The following RAB27B variants were observed in gnomAD, a reference collection of about 807,000 sequenced individuals.
The protein encoded by RAB27B is ras-related protein Rab-27B.
A neutral mutation model predicts 24.6 loss-of-function variants in RAB27B; 15 were observed. The observed-to-expected ratio is 0.61, with a 90% confidence interval of 0.41 to 0.94. RAB27B has a LOEUF of 0.94. Among genes scored for constraint, RAB27B ranks in the 40% least tolerant of loss-of-function variants. The pLI, the probability that RAB27B is intolerant of heterozygous loss-of-function variation, is 0.00. For missense variants in RAB27B, 261 were observed against 266.8 expected (o/e 0.98, Z 0.15); for synonymous variants, 105 against 92.5 (o/e 1.14, Z -0.78).
intron 2 of RAB27B, among the ~76,000 whole-genome samples, chr18:54,733,091 G>C (rs1172535033): frequency 6.6e-6 from 1 of 151,528 alleles, no homozygotes; most frequent in Non-Finnish European, 1.5e-5. Flanking sequence ...TGTTACCCAG[G>C]CTGGAGTGTG....
intron 2 of RAB27B, among the ~76,000 whole-genome samples, chr18:54,820,698 A>G (rs776367130): frequency 1.2e-4 from 19 of 152,288 alleles, no homozygotes; most frequent in Non-Finnish European, 2.4e-4. Flanking sequence ...GCCCATGCCT[A>G]TGTCCTGAAT....
chr18:54,754,709 T>G (rs1907948651), intron 2 of RAB27B, among the ~76,000 whole-genome samples: 1 of 152,192 alleles, frequency 6.6e-6, no homozygotes, highest in Non-Finnish European at 1.5e-5. Context: ...TAAAGAAAAC[T>G]ATTTCTGACA....
chr18:54,862,967 G>C (rs1912065805), intron 1 of RAB27B, among the ~76,000 whole-genome samples: 1 of 152,148 alleles, frequency 6.6e-6, no homozygotes, highest in African/African-American at 2.4e-5. Flanking sequence ...TGGCTATTCT[G>C]TGTCCCTTTC....
chr18:54,793,879 C>G (rs936823147), intron 2 of RAB27B, among the ~76,000 whole-genome samples: 2 of 152,152 alleles, frequency 1.3e-5, no homozygotes, highest in African/African-American at 4.8e-5. Context: ...GATCCCATCT[C>G]TATTTTTAAA....
At chr18:54,772,828 G>A (rs1321411838) in intron 2 of RAB27B, among the ~76,000 whole-genome samples, 1 of 152,124 alleles carries the variant, frequency 6.6e-6, no homozygotes, top group Admixed American at 6.5e-5. Flanking sequence ...TACCTACCTT[G>A]TATATTGCAT....
At chr18:54,774,855 A>G (rs866965189) in intron 2 of RAB27B, among the ~76,000 whole-genome samples, 3 of 152,154 alleles carry the variant, frequency 2.0e-5, no homozygotes, top group Non-Finnish European at 1.5e-5. Context: ...GTTTATTTGT[A>G]TATTCTCAGC....
At chr18:54,786,684 T>G (rs897610214) in intron 2 of RAB27B, among the ~76,000 whole-genome samples, 1 of 152,250 alleles carries the variant, frequency 6.6e-6, no homozygotes, top group Non-Finnish European at 1.5e-5. Context: ...AATGTTAACA[T>G]AATACATTTG....
At chr18:54,762,786 A>G (rs1017490297) in intron 2 of RAB27B, among the ~76,000 whole-genome samples, 68 of 151,950 alleles carry the variant, frequency 4.5e-4, no homozygotes, top group African/African-American at 1.6e-3. Context: ...TCTTCTCAGT[A>G]CCTACGACTC....
chr18:54,726,221 C>G (rs188101208), intron 2 of RAB27B, among the ~76,000 whole-genome samples: 1 of 151,568 alleles, frequency 6.6e-6, no homozygotes, highest in East Asian at 1.9e-4. Context: ...TAAATAAAAA[C>G]TCAAGTATCA....
At chr18:54,807,851 T>C (rs1297579756) in intron 2 of RAB27B, among the ~76,000 whole-genome samples, 2 of 152,188 alleles carry the variant, frequency 1.3e-5, no homozygotes, top group Non-Finnish European at 2.9e-5. Flanking sequence ...AGCAGTTCCA[T>C]AAACAGCATG....
chr18:54,839,410 A>C (rs1911021470), intron 1 of RAB27B, among the ~76,000 whole-genome samples: 1 of 152,178 alleles, frequency 6.6e-6, no homozygotes, highest in African/African-American at 2.4e-5. Flanking sequence ...CACAGCATGG[A>C]AAAGATGAAA....
intron 2 of RAB27B, among the ~76,000 whole-genome samples, chr18:54,784,067 A>G (rs755652714): frequency 1.3e-5 from 2 of 152,214 alleles, no homozygotes; most frequent in South Asian, 2.1e-4. Context: ...GGAGTTCACT[A>G]TAGTATGCTA....
intron 1 of RAB27B, among the ~76,000 whole-genome samples, chr18:54,849,086 C>T (rs1337094935): frequency 6.6e-6 from 1 of 152,142 alleles, no homozygotes; most frequent in African/African-American, 2.4e-5. Flanking sequence ...ATGGATTTGG[C>T]ATTGTAATGC....
At chr18:54,813,798 T>A (rs1167347093) in intron 2 of RAB27B, among the ~76,000 whole-genome samples, 1 of 152,180 alleles carries the variant, frequency 6.6e-6, no homozygotes, top group Non-Finnish European at 1.5e-5. Context: ...TGGAAGGAGA[T>A]GAGCGATATC....
intron 1 of RAB27B, among the ~76,000 whole-genome samples, chr18:54,839,150 C>T (rs1442859140): frequency 6.6e-6 from 1 of 151,990 alleles, no homozygotes; most frequent in African/African-American, 2.4e-5. Flanking sequence ...GATGTTAAAC[C>T]CTTGACTAAA....
intron 1 of RAB27B, among the ~76,000 whole-genome samples, chr18:54,845,372 A>C (rs9944874): frequency 0.031 from 4,540 of 145,958 alleles, 121 homozygotes; most frequent in South Asian, 0.094. Context: ...ACGCCACTGC[A>C]CTCCAGCCTG....
At chr18:54,826,099 T>A (rs535874765), upstream of RAB27B, among the ~76,000 whole-genome samples, 24 of 152,364 alleles carry the variant, frequency 1.6e-4, no homozygotes, top group African/African-American at 4.1e-4. Context: ...TTTAAAAAAA[T>A]TCATTTATTC....
At chr18:54,728,267 C>T (rs546808710) in intron 2 of RAB27B, among the ~76,000 whole-genome samples, 3 of 152,256 alleles carry the variant, frequency 2.0e-5, no homozygotes, top group Admixed American at 2.0e-4. Flanking sequence ...CCATCTCCAT[C>T]CAAGTGTCAG....
rs780164867 is a variant in RAB27B at position 54,848,726 on chromosome 18, G to A, written c.-20+20026G>A. Among the ~76,000 whole-genome samples, 13 of 152,284 alleles carry A rather than the reference G, an allele frequency of 8.5e-5. No individual in the cohort carries two copies. The South Asian group carries it at 1.9e-3, about 22-fold the overall frequency. On this transcript the variant is annotated intron_variant, in intron 1 of 5. Transcript: ENST00000262094. ...TAATGCATTCTGGAAAATATCTACT[G>A]ACTCAAACATGTAAAACCATAAAAA...
Sources: gnomAD v4.1 joint callset for allele counts (sites outside exome capture counted in the v4.1 genomes callset) on GRCh38, gnomAD v4.1.1 for gene constraint, MANE v1.5 for transcripts, NCBI Gene and HGNC (gene_info 2026-07-23, HGNC 2026-07-21) for gene names.